The following RAB11B variants were observed in gnomAD, a reference collection of about 807,000 sequenced individuals.
RAB11B encodes the protein RAB11B, member RAS oncogene family.
Under a neutral mutation model 23.7 loss-of-function variants are expected in RAB11B, and 7 were observed. That is an observed-to-expected ratio of 0.29 (90% CI 0.17 to 0.55). The LOEUF (loss-of-function observed/expected upper bound fraction) is 0.55, where lower values mean the gene tolerates loss of function less well. RAB11B is among the 20% of genes least tolerant of loss of function. The pLI is 0.93. For synonymous variants in RAB11B, 138 were observed against 132.0 expected, an observed-to-expected ratio of 1.05 and a Z score of -0.31; for missense variants, 189 against 320.0, an observed-to-expected ratio of 0.59 and a Z score of 3.12.
At position 8,390,429 on chromosome 19, in the gene RAB11B, G is replaced by A. The variant is rs773651562; in HGVS notation, c.13G>A (p.Asp5Asn). 6.6e-7 allele frequency: 1 copy of A among 1,526,594 alleles called. No homozygotes were observed. The highest frequency in any genetic ancestry group is 8.8e-7 in the Non-Finnish European group (1 of 1,141,556). 94.6% of individuals were successfully genotyped at this position (1,526,594 alleles called of 1,614,324 possible). A position where few individuals can be genotyped will look rare whatever the true frequency, so the allele number is the denominator to read the frequency against. MGTRDDEYDYLFKVV... is the reference protein window; with the variant it reads MGTRNDEYDYLFKVV... ...AAGCGCCAGGACAATGGGGACCCGG[G>A]ACGACGAGTACGACTACCTATTCAA... Residue 5 changes from aspartate to asparagine, a missense_variant, in exon 1 of 5, where the codon GAC becomes AAC. By Grantham distance (23) the Asp-to-Asn change is conservative. This residue lies in a region of RAB11B where 20 missense variants were observed against 16.2 expected (regional missense o/e 1.24). Transcript: ENST00000328024.
Position 8,402,525 on chromosome 19 carries a change from T to G in RAB11B, c.471T>G (p.Asp157Glu), listed in dbSNP as rs748820048. 1.2e-6 allele frequency: 2 copies of G among 1,614,084 alleles called. No individual in the cohort carries two copies. The highest frequency in any genetic ancestry group is 1.7e-5 in the Admixed American group (1 of 60,018). ...CCTTCATCGAGACCTCAGCCTTGGA[T>G]TCCACTAACGTAGAGGAAGCATTCA... ...NLSFIETSAL[D>E]STNVEEAFKN... Residue 157 changes from aspartate (D) to glutamate (E), a missense_variant, in exon 4 of 5, where the codon GAT becomes GAG. Around this residue, in one of 5 missense-constraint regions of RAB11B, gnomAD observed 122 missense variants for 170.8 expected, o/e 0.71. Coordinates refer to ENST00000328024, the MANE Select transcript of RAB11B (RefSeq NM_004218.4).
At chr19:8,393,758 G>C (rs746401951) in intron 1 of RAB11B, among the ~76,000 whole-genome samples, 98 of 152,180 alleles carry the variant, frequency 6.4e-4, no homozygotes, top group Non-Finnish European at 1.8e-4. Flanking sequence ...GGCTCCGCCA[G>C]GCTCTGCCGG....
In RAB11B at chr19:8,404,060, G is replaced by A; in HGVS notation, c.*502G>A. On this transcript the variant is annotated 3_prime_UTR_variant, in exon 5 of 5. Coordinates refer to ENST00000328024, the MANE Select transcript of RAB11B (RefSeq NM_004218.4). The stretch of plus-strand genomic sequence containing the variant: ...CCCGCTCCTCCGCACACAGCAGCTC[G>A]CACAGGCCTCCCACCTCTGCCTGTT... 1 of 154,428 alleles carries A rather than the reference G, an allele frequency of 6.5e-6. No homozygotes were observed. The highest frequency in any genetic ancestry group is 1.4e-5 in the Non-Finnish European group (1 of 69,578). 9.6% of individuals were successfully genotyped at this position (154,428 alleles called of 1,614,324 possible).
At position 8,402,264 on chromosome 19, in the gene RAB11B, G is replaced by T; in HGVS notation, c.415G>T (p.Ala139Ser). ...RHLRAVPTDE[A>S]RAFAEKNNLS... ...CCTGCGGGCTGTGCCCACTGACGAG[G>T]CCCGCGCCTTCGCAGGTGAGCAGAC... The change falls in exon 3 of 5, where the codon GCC (alanine) becomes TCC (serine). Residue 139 changes from alanine (A) to serine (S), a missense_variant. Ala to Ser is a moderately conservative substitution (Grantham distance 99, BLOSUM62 1). Around this residue, in one of 5 missense-constraint regions of RAB11B, gnomAD observed 122 missense variants for 170.8 expected, o/e 0.71. Transcript: ENST00000328024. The T allele has an allele frequency of 6.4e-7, 1 of 1,558,264 alleles. No individual in the cohort carries two copies. Among genetic ancestry groups the T allele is most frequent in the Non-Finnish European group, 8.7e-7 (1 of 1,151,554 alleles).
At chr19:8,395,561 TTCTG>T (rs900871611) in intron 1 of RAB11B, among the ~76,000 whole-genome samples, 26 of 152,262 alleles carry the variant, frequency 1.7e-4, no homozygotes, top group African/African-American at 5.5e-4. Context: ...CCGGCCATCT[TTCTG>T]TCTTTCTCTG....
Position 8,397,428 on chromosome 19 carries a change from C to T in RAB11B, c.41-2435C>T, listed in dbSNP as rs573471093. 4.6e-5 allele frequency among the ~76,000 whole-genome samples: 7 copies of T among 151,952 alleles called. 1 individual carries two copies. In the South Asian group the frequency reaches 6.2e-4, roughly 14 times the overall value. ...TGGGAGTGACTGTGAGGAGAGGAGT[C>T]GGGGTGTGGAGCCCCTGCAGGCAGG... On this transcript the variant is annotated intron_variant, in intron 1 of 4. Coordinates refer to ENST00000328024, the MANE Select transcript of RAB11B (RefSeq NM_004218.4).
intron 3 of RAB11B, 59 bp from the exon 4 acceptor site, chr19:8,402,426 G>A (rs917898010): frequency 2.5e-6 from 4 of 1,573,696 alleles, no homozygotes; most frequent in Admixed American, 3.4e-5. Flanking sequence ...GTCCCTGAGA[G>A]CATGTGGGAG....
chr19:8,403,195 G>C (rs114978560), intron 4 of RAB11B, among the ~76,000 whole-genome samples: 1,530 of 152,300 alleles, frequency 0.01, 28 homozygotes, highest in African/African-American at 0.034. Flanking sequence ...CTCTGAGGGA[G>C]GAGGGCGCTT....
intron 2 of RAB11B, among the ~76,000 whole-genome samples, chr19:8,401,831 C>T (rs371522381): frequency 6.6e-6 from 1 of 152,186 alleles, no homozygotes; most frequent in Non-Finnish European, 1.5e-5. Flanking sequence ...CCCTTCTTCC[C>T]TTTTTTTGAT....
intron 2 of RAB11B, 176 bp downstream of exon 2, chr19:8,400,234 C>G: frequency 1.3e-6 from 1 of 787,240 alleles, no homozygotes; most frequent in Non-Finnish European, 2.0e-6. Flanking sequence ...TCAGGCTGAC[C>G]AGCGCCCAGC....
At chr19:8,397,187 T>A (rs1971403821) in intron 1 of RAB11B, among the ~76,000 whole-genome samples, 1 of 152,150 alleles carries the variant, frequency 6.6e-6, no homozygotes. Context: ...GGCTCTGCTC[T>A]TCTGGGTATG....
intron 1 of RAB11B, among the ~76,000 whole-genome samples, chr19:8,398,446 T>TGGACTGCCACAC (rs1304901961): frequency 4.6e-5 from 7 of 152,222 alleles, no homozygotes; most frequent in African/African-American, 1.7e-4. Context: ...TGCACACACG[T>TGGACTGCCACAC]GGACTGCCAC....
chr19:8,395,276 T>C (rs1025555103), intron 1 of RAB11B, among the ~76,000 whole-genome samples: 8 of 147,476 alleles, frequency 5.4e-5, no homozygotes, highest in South Asian at 2.2e-4. Context: ...TCTTTCTTTT[T>C]TTTTTTTTTT....
In RAB11B at chr19:8,402,260, C is replaced by T. The variant is rs780401260; in HGVS notation, c.411C>T (p.Asp137=). ...GCCACCTGCGGGCTGTGCCCACTGA[C>T]GAGGCCCGCGCCTTCGCAGGTGAGC... ...DLRHLRAVPT[D]EARAFAEKNN... is the part of the protein sequence containing the mutation. The change falls in exon 3 of 5, where the codon GAC becomes GAT. Residue 137 remains aspartate (D), a synonymous_variant. Coordinates refer to ENST00000328024, the MANE Select transcript of RAB11B (RefSeq NM_004218.4). The T allele has an allele frequency of 3.7e-5, 57 of 1,558,824 alleles. No homozygotes were observed. The highest frequency in any genetic ancestry group is 2.9e-4 in the South Asian group (25 of 85,258).
chr19:8,392,889 G>A (rs1286448393), intron 1 of RAB11B, among the ~76,000 whole-genome samples: 1 of 151,212 alleles, frequency 6.6e-6, no homozygotes. Flanking sequence ...GTTTCACCAT[G>A]TTGGCCAGCT....
In RAB11B at chr19:8,401,142, G is replaced by A. The variant is rs376368149; in HGVS notation, c.237-944G>A. On this transcript the variant is annotated intron_variant, in intron 2 of 4. Coordinates refer to ENST00000328024, the MANE Select transcript of RAB11B (RefSeq NM_004218.4). Reference sequence around the variant, plus strand: ...GTCGCCCAGGCTGGAGTGCAGTGGCGCAGTCTCAGCTCACTGCAAGCTCTG... The same window carrying A: ...GTCGCCCAGGCTGGAGTGCAGTGGCACAGTCTCAGCTCACTGCAAGCTCTG... Among the ~76,000 whole-genome samples the A allele has an allele frequency of 3.1e-4, 47 of 151,826 alleles. No individual in the cohort carries two copies. In the East Asian group the frequency reaches 5.7e-3, roughly 18 times the overall value.
Position 8,403,277 on chromosome 19 carries a change from G to A in RAB11B, c.512-136G>A, listed in dbSNP as rs142018533. 4.9e-5 allele frequency: 57 copies of A among 1,159,712 alleles called. No individual in the cohort carries two copies. In the African/African-American group the frequency reaches 6.7e-4, roughly 14 times the overall value. 71.8% of individuals were successfully genotyped at this position (1,159,712 alleles called of 1,614,324 possible). On this transcript the variant is annotated intron_variant, in intron 4 of 4. Coordinates refer to ENST00000328024, the MANE Select transcript of RAB11B (RefSeq NM_004218.4). The stretch of plus-strand genomic sequence containing the variant: ...GGTCCTGGCTGGGTGCGCAGCCCCT[G>A]TCCTTGTTACCCCTGATGTGATGGG...
Position 8,396,710 on chromosome 19 carries a change from G to C in RAB11B, c.41-3153G>C, listed in dbSNP as rs185242990. ...CTGTGTGGCTGGAGCAGAGTGAGCC[G>C]GGGGGGGGGCGGGAGGGAGGAGGGG... On this transcript the variant is annotated intron_variant, in intron 1 of 4. Coordinates refer to ENST00000328024, the MANE Select transcript of RAB11B (RefSeq NM_004218.4). This position sits in a 1 kb window ranked among gnomAD's most constrained non-coding sequence, Gnocchi z 5.0. Among the ~76,000 whole-genome samples the C allele has an allele frequency of 0.035, 3,932 of 111,570 alleles. 221 individuals carry two copies. The highest frequency in any genetic ancestry group is 0.14 in the African/African-American group (3,706 of 25,566). 73.2% of individuals were successfully genotyped at this position (111,570 alleles called of 152,430 possible). A position where few individuals can be genotyped will look rare whatever the true frequency, so the allele number is the denominator to read the frequency against.
Position 8,403,564 on chromosome 19 carries a change from G to C in RAB11B, c.*6G>C. 1 of 1,609,608 alleles carries C rather than the reference G, an allele frequency of 6.2e-7. No homozygotes were observed. Among genetic ancestry groups the C allele is most frequent in the Non-Finnish European group, 8.5e-7 (1 of 1,176,836 alleles). The stretch of plus-strand genomic sequence containing the variant: ...AGTGCTGCCAGAACCTGTGACCCCT[G>C]CGCCTCCACCCAGCGTGCGTGCACG... On this transcript the variant is annotated 3_prime_UTR_variant, in exon 5 of 5. Coordinates refer to ENST00000328024, the MANE Select transcript of RAB11B (RefSeq NM_004218.4).
Sources: allele counts gnomAD v4.1 joint callset (sites outside exome capture counted in the v4.1 genomes callset), GRCh38; gene constraint gnomAD v4.1.1; regional missense constraint gnomAD v4.1.1; non-coding constraint Gnocchi (gnomAD v3.1); transcripts MANE v1.5; gene names NCBI Gene and HGNC (gene_info 2026-07-23, HGNC 2026-07-21).